The following KCNQ5 variants were observed in gnomAD, a reference collection of about 807,000 sequenced individuals.
KCNQ5 encodes the protein potassium voltage-gated channel subfamily KQT member 5.
KCNQ5 carries 30 observed loss-of-function variants against 98.2 expected under a neutral mutation model. The ratio of observed to expected loss-of-function variants is 0.31; its 90% CI spans 0.23 to 0.41. The LOEUF is 0.41. Among genes scored for constraint, KCNQ5 ranks in the 10% least tolerant of loss-of-function variants. The pLI, the probability that KCNQ5 is intolerant of heterozygous loss-of-function variation, is 1.00. For missense variants in KCNQ5, 835 were observed against 1,182.5 expected (o/e 0.71, Z 4.31); for synonymous variants, 458 against 449.4 (o/e 1.02, Z -0.24).
intron 1 of KCNQ5, among the ~76,000 whole-genome samples, chr6:72,724,141 C>T (rs182650361): frequency 2.3e-3 from 357 of 152,076 alleles, no homozygotes; most frequent in Middle Eastern, 0.01. Context: ...CTTGGAATTA[C>T]TTATTTTTAT....
chr6:72,635,884 A>G (rs1006830607), intron 1 of KCNQ5, among the ~76,000 whole-genome samples: 2 of 151,956 alleles, frequency 1.3e-5, no homozygotes, highest in African/African-American at 4.8e-5. Flanking sequence ...ATGGTAATTA[A>G]TAGAGACTTC....
At chr6:72,741,573 A>G (rs1213828778) in intron 1 of KCNQ5, among the ~76,000 whole-genome samples, 1 of 152,164 alleles carries the variant, frequency 6.6e-6, no homozygotes, top group Non-Finnish European at 1.5e-5. Context: ...CAAGTTTCCA[A>G]GTTATTCAGG....
intron 1 of KCNQ5, among the ~76,000 whole-genome samples, chr6:72,669,841 C>G (rs1427707597): frequency 6.6e-6 from 1 of 151,824 alleles, no homozygotes; most frequent in East Asian, 1.9e-4. Context: ...TGCTCTCTAT[C>G]AAGCAGTTGT....
At chr6:73,028,481 C>T (rs768033613) in intron 2 of KCNQ5, among the ~76,000 whole-genome samples, 2 of 152,200 alleles carry the variant, frequency 1.3e-5, no homozygotes, top group African/African-American at 2.4e-5. Context: ...AGCCCAGCCA[C>T]CCCGTTCACT....
chr6:72,712,164 A>G (rs191599438), intron 1 of KCNQ5, among the ~76,000 whole-genome samples: 2 of 152,330 alleles, frequency 1.3e-5, no homozygotes, highest in Non-Finnish European at 2.9e-5. Flanking sequence ...AAGAATGGAT[A>G]GATTACCTAG....
At chr6:72,722,422 G>T (rs1014547246) in intron 1 of KCNQ5, among the ~76,000 whole-genome samples, 1 of 152,198 alleles carries the variant, frequency 6.6e-6, no homozygotes, top group African/African-American at 2.4e-5. Flanking sequence ...GTTATGAAAA[G>T]CTCTGTCTAG....
intron 1 of KCNQ5, among the ~76,000 whole-genome samples, chr6:72,945,410 C>A (rs550307547): frequency 2.3e-5 from 3 of 130,518 alleles, no homozygotes; most frequent in East Asian, 2.5e-4. Context: ...CCCCACCCCC[C>A]ACCCCACGAC....
chr6:72,785,724 T>C (rs1310751897), intron 1 of KCNQ5, among the ~76,000 whole-genome samples: 1 of 152,044 alleles, frequency 6.6e-6, no homozygotes, highest in African/African-American at 2.4e-5. Context: ...AGGCAGAATT[T>C]GTGTATTTTT....
chr6:72,726,210 T>A (rs7758783), intron 1 of KCNQ5, among the ~76,000 whole-genome samples: 47,175 of 116,058 alleles, frequency 0.41, 9,533 homozygotes, highest in African/African-American at 0.65. Flanking sequence ...AAATTTAAAT[T>A]TTTTTTTTTT....
chr6:72,981,567 G>T (rs1219027036), intron 1 of KCNQ5, among the ~76,000 whole-genome samples: 1 of 151,748 alleles, frequency 6.6e-6, no homozygotes, highest in East Asian at 1.9e-4. Flanking sequence ...TATTAGTCTT[G>T]CTAGTGGTCT....
intron 1 of KCNQ5, among the ~76,000 whole-genome samples, chr6:72,694,626 T>TGGCA (rs775750513): frequency 5.9e-5 from 9 of 152,204 alleles, no homozygotes. Context: ...CTTCATAGAA[T>TGGCA]GGCAGTGAGG....
intron 1 of KCNQ5, among the ~76,000 whole-genome samples, chr6:72,856,471 TAC>T (rs3035183): frequency 0.42 from 62,073 of 148,678 alleles, 13,507 homozygotes; most frequent in East Asian, 0.59. Context: ...CACACATATA[TAC>T]ACACACACAC....
intron 1 of KCNQ5, among the ~76,000 whole-genome samples, chr6:72,749,688 G>T (rs1771579995): frequency 6.6e-6 from 1 of 151,608 alleles, no homozygotes; most frequent in Non-Finnish European, 1.5e-5. Flanking sequence ...AGCCCACATA[G>T]GGAATAATCA....
intron 1 of KCNQ5, among the ~76,000 whole-genome samples, chr6:72,846,382 T>A (rs560689826): frequency 4.6e-5 from 7 of 152,060 alleles, no homozygotes; most frequent in Non-Finnish European, 8.8e-5. Flanking sequence ...CTCACCACTC[T>A]TCTTCTAAAA....
At chr6:72,868,304 T>C (rs2150159401) in intron 1 of KCNQ5, among the ~76,000 whole-genome samples, 1 of 152,328 alleles carries the variant, frequency 6.6e-6, no homozygotes, top group Middle Eastern at 3.4e-3. Flanking sequence ...GATTTCATGT[T>C]CACAGAATTA....
At chr6:73,076,871 G>T (rs1013247205) in intron 3 of KCNQ5, among the ~76,000 whole-genome samples, 6 of 152,086 alleles carry the variant, frequency 3.9e-5, no homozygotes, top group Non-Finnish European at 7.4e-5. Context: ...TTTCAAGCTG[G>T]ACACATTTAC....
intron 1 of KCNQ5, among the ~76,000 whole-genome samples, chr6:72,666,970 A>G (rs1198705551): frequency 6.6e-6 from 1 of 152,226 alleles, no homozygotes; most frequent in Non-Finnish European, 1.5e-5. Context: ...ACTGGTCATG[A>G]TAAATTAGCA....
chr6:73,009,748 T>C (rs1187980713), intron 2 of KCNQ5, among the ~76,000 whole-genome samples: 1 of 152,126 alleles, frequency 6.6e-6, no homozygotes, highest in Non-Finnish European at 1.5e-5. Context: ...CTGTGAACAA[T>C]TGTATGCCAA....
intron 7 of KCNQ5, among the ~76,000 whole-genome samples, chr6:73,112,131 G>A (rs1775265140): frequency 6.6e-6 from 1 of 151,762 alleles, no homozygotes; most frequent in African/African-American, 2.4e-5. Context: ...TATATTTTTT[G>A]TTAGATTCAT....
Sources: allele counts gnomAD v4.1 joint callset (sites outside exome capture counted in the v4.1 genomes callset), GRCh38; gene constraint gnomAD v4.1.1; transcripts MANE v1.5; gene names NCBI Gene and HGNC (gene_info 2026-07-23, HGNC 2026-07-21).